Variants in NKD1 observed in about 807,000 individuals in gnomAD.
NKD1 encodes protein naked cuticle homolog 1.
A neutral mutation model predicts 56.0 loss-of-function variants in NKD1; 21 were observed. That is an observed-to-expected ratio of 0.38 (90% CI 0.27 to 0.54). The LOEUF (loss-of-function observed/expected upper bound fraction) is 0.54. NKD1 is among the 20% of genes least tolerant of loss of function. NKD1 has a pLI of 0.82. For synonymous variants in NKD1, 263 were observed against 265.7 expected (o/e 0.99, Z 0.10); for missense variants, 578 against 642.7 (o/e 0.90, Z 1.09).
At chr16:50,568,965 T>C (rs750064640) in intron 3 of NKD1, among the ~76,000 whole-genome samples, 2 of 152,180 alleles carry the variant, frequency 1.3e-5, no homozygotes, top group Admixed American at 6.5e-5. Flanking sequence ...TCCCTTTAAG[T>C]TGGGCAGTTG....
At chr16:50,578,549 C>T (rs541820367) in intron 3 of NKD1, among the ~76,000 whole-genome samples, 83 of 152,278 alleles carry the variant, frequency 5.5e-4, no homozygotes, top group Middle Eastern at 3.4e-3. Flanking sequence ...TTTTACTGTG[C>T]GGAGTGATGT....
At chr16:50,605,467 T>C (rs934982882) in intron 3 of NKD1, among the ~76,000 whole-genome samples, 1 of 152,230 alleles carries the variant, frequency 6.6e-6, no homozygotes, top group South Asian at 2.1e-4. Context: ...GCTTACACAG[T>C]TGGCCCTCCT....
intron 3 of NKD1, among the ~76,000 whole-genome samples, chr16:50,586,409 T>A: frequency 6.6e-6 from 1 of 151,714 alleles, no homozygotes; most frequent in Non-Finnish European, 1.5e-5. Context: ...TCTCCCTACC[T>A]CCCCTCCCAT....
Position 50,621,648 on chromosome 16 carries a change from G to A in NKD1, c.306G>A (p.Glu102=). 1 of 1,614,090 alleles carries A rather than the reference G, an allele frequency of 6.2e-7. No homozygotes were observed. Among genetic ancestry groups the A allele is most frequent in the Non-Finnish European group, 8.5e-7 (1 of 1,179,982 alleles). The change falls in exon 5 of 10, where the codon GAG becomes GAA. Residue 102 remains glutamate, a synonymous_variant. Transcript: ENST00000268459. Reference sequence around the variant, plus strand: ...CTGACGGGCTGGGCAGCGGAGATGAGAAGAAGATGGAGAGAGTGAGCGAAC... The same window carrying A: ...CTGACGGGCTGGGCAGCGGAGATGAAAAGAAGATGGAGAGAGTGAGCGAAC... ...EKTDGLGSGD[E]KKMERVSEPC...
chr16:50,579,178 T>A (rs559234681), intron 3 of NKD1, among the ~76,000 whole-genome samples: 1 of 149,506 alleles, frequency 6.7e-6, no homozygotes, highest in Non-Finnish European at 1.5e-5. Context: ...ACATGCACTG[T>A]CTTACTCCTG....
chr16:50,572,543 G>A (rs1052775220), intron 3 of NKD1, among the ~76,000 whole-genome samples: 2 of 152,108 alleles, frequency 1.3e-5, no homozygotes, highest in Admixed American at 1.3e-4. Context: ...GGCCTGGCTC[G>A]ATGGCTGGGG....
chr16:50,617,105 TG>T (rs1483571924), intron 4 of NKD1, among the ~76,000 whole-genome samples: 1 of 152,206 alleles, frequency 6.6e-6, no homozygotes. Flanking sequence ...TCCTGCTCCC[TG>T]GGTCACTGCC....
chr16:50,573,126 C>T (rs1011278753), intron 3 of NKD1, among the ~76,000 whole-genome samples: 1 of 152,216 alleles, frequency 6.6e-6, no homozygotes, highest in Admixed American at 6.5e-5. Context: ...TAAGGCTGCT[C>T]TTATGACTAA....
intron 4 of NKD1, among the ~76,000 whole-genome samples, chr16:50,613,359 A>G (rs1186694297): frequency 6.6e-6 from 1 of 152,074 alleles, no homozygotes; most frequent in African/African-American, 2.4e-5. Context: ...AAGGCTCCTC[A>G]ATACACAGGG....
Position 50,615,881 on chromosome 16 carries a change from C to T in NKD1, c.260-5721C>T, listed in dbSNP as rs551621319. The stretch of plus-strand genomic sequence containing the variant: ...CTGTGTTTACAAACAGAGGTGGGAT[C>T]GCTAGGACCCTCATTCCCTAAGGAG... On this transcript the variant is annotated intron_variant, in intron 4 of 9. Coordinates refer to ENST00000268459, the MANE Select transcript of NKD1 (RefSeq NM_033119.5). Among the ~76,000 whole-genome samples, 196 of 152,324 alleles carry T rather than the reference C, an allele frequency of 1.3e-3. 2 individuals are homozygous for T. The highest frequency in any genetic ancestry group is 2.5e-3 in the Non-Finnish European group (172 of 68,028).
rs1225544277 is a variant in NKD1, at chr16:50,578,577, A to G, written c.192+29022A>G. On this transcript the variant is annotated intron_variant, in intron 3 of 9. Coordinates refer to ENST00000268459, the MANE Select transcript of NKD1 (RefSeq NM_033119.5). The stretch of plus-strand genomic sequence containing the variant: ...AGTGATGTTCCCCTGGGGATCTACT[A>G]GTGCTCTGCTGAGAGACTCACACCC... Among the ~76,000 whole-genome samples the G allele has an allele frequency of 3.9e-5, 6 of 152,156 alleles. No individual in the cohort carries two copies. The South Asian group carries it at 1.2e-3, about 32-fold the overall frequency.
intron 3 of NKD1, chr16:50,575,182 G>A (rs1440370641): frequency 1.4e-5 from 14 of 984,440 alleles, no homozygotes; most frequent in Non-Finnish European, 1.7e-5. Context: ...CCAGATTTTC[G>A]CTGGAAGGAA....
chr16:50,548,874 C>G, intron 2 of NKD1, 125 bp downstream of exon 2: 1 of 1,135,952 alleles, frequency 8.8e-7, no homozygotes, highest in Non-Finnish European at 1.1e-6. Context: ...CGGCCACCGG[C>G]CCCCCAAGCC....
chr16:50,585,293 C>G (rs1021820371), intron 3 of NKD1, among the ~76,000 whole-genome samples: 2 of 152,154 alleles, frequency 1.3e-5, no homozygotes, highest in African/African-American at 4.8e-5. Context: ...GGGGCAGGAG[C>G]TGGGGATGCT....
intron 3 of NKD1, among the ~76,000 whole-genome samples, chr16:50,561,993 G>A (rs1056543081): frequency 1.3e-5 from 2 of 152,210 alleles, no homozygotes; most frequent in Admixed American, 1.3e-4. Flanking sequence ...TGAGACTTGG[G>A]TGGCTCACGA....
intron 3 of NKD1, among the ~76,000 whole-genome samples, chr16:50,575,927 T>C (rs1960984972): frequency 6.6e-6 from 1 of 152,156 alleles, no homozygotes; most frequent in South Asian, 2.1e-4. Flanking sequence ...AGGTCAGGGA[T>C]ACTGCCAACC....
At chr16:50,589,669 G>C (rs972326788) in intron 3 of NKD1, among the ~76,000 whole-genome samples, 1 of 151,522 alleles carries the variant, frequency 6.6e-6, no homozygotes, top group Non-Finnish European at 1.5e-5. Context: ...CATGTTGGAG[G>C]CCTTTGCTGA....
chr16:50,566,260 C>T, intron 3 of NKD1: 1 of 765,426 alleles, frequency 1.3e-6, no homozygotes, highest in Non-Finnish European at 1.6e-6. Flanking sequence ...ACAGCTGGAT[C>T]CACCAGCCCA....
Position 50,625,580 on chromosome 16 carries a change from G to C in NKD1, c.462G>C (p.Glu154Asp). Residue 154 changes from glutamate (E) to aspartate (D), a missense_variant and splice_region_variant, in exon 6 of 10, where the codon GAG becomes GAC. Transcript: ENST00000268459. ...ACAACAACGGCAAGGTCACCCGAGA[G>C]GTGAGTGCACCTGCCTGGCCTCTTG... is the stretch of plus-strand genomic sequence containing the variant. The part of the protein sequence containing the change: ...DFDNNGKVTR[E>D]DITSLLHTIY... The C allele has an allele frequency of 1.9e-6, 3 of 1,604,174 alleles. No homozygotes were observed. Among genetic ancestry groups the C allele is most frequent in the Non-Finnish European group, 2.6e-6 (3 of 1,171,028 alleles).
Sources: allele counts gnomAD v4.1 joint callset (sites outside exome capture counted in the v4.1 genomes callset), GRCh38; gene constraint gnomAD v4.1.1; transcripts MANE v1.5; gene names NCBI Gene and HGNC (gene_info 2026-07-23, HGNC 2026-07-21).